The following PPP2R2C variants were observed in gnomAD, a reference collection of about 807,000 sequenced individuals.
PPP2R2C encodes the protein protein phosphatase 2, regulatory subunit B, gamma.
PPP2R2C carries 10 observed loss-of-function variants against 45.3 expected under a neutral mutation model. The observed-to-expected ratio is 0.22, with a 90% CI of 0.14 to 0.37. PPP2R2C has a LOEUF of 0.37. Ranked by LOEUF, PPP2R2C falls within the 10% of genes least tolerant of loss-of-function variation. PPP2R2C has a pLI of 1.00. For missense variants in PPP2R2C, 308 were observed against 619.7 expected, an observed-to-expected ratio of 0.50 and a Z score of 5.34; for synonymous variants, 257 against 245.4, an observed-to-expected ratio of 1.05 and a Z score of -0.44.
Position 6,378,023 on chromosome 4 carries a change from C to T in PPP2R2C, c.334+384G>A, listed in dbSNP as rs1357618279. On this transcript the variant is annotated intron_variant, in intron 3 of 8. Transcript: ENST00000382599. This position sits in a 1 kb window ranked among gnomAD's most constrained non-coding sequence, Gnocchi z 5.2. ...GGTTCACTTTGTGTCAAATATCCCC[C>T]GTGTCTGCGACCTGCATCCTTGTCC... 3.3e-5 allele frequency among the ~76,000 whole-genome samples: 5 copies of T among 152,176 alleles called. No homozygotes were observed. Among genetic ancestry groups the T allele is most frequent in the African/African-American group, 4.8e-5 (2 of 41,432 alleles).
chr4:6,449,523 C>T (rs1296642535), intron 1 of PPP2R2C, among the ~76,000 whole-genome samples: 1 of 152,228 alleles, frequency 6.6e-6, no homozygotes, highest in Admixed American at 6.5e-5. Context: ...GACATGCGGA[C>T]CCCCGCCGCC....
chr4:6,554,570 T>G (rs1321246298), intron 1 of PPP2R2C, among the ~76,000 whole-genome samples: 1 of 152,152 alleles, frequency 6.6e-6, no homozygotes, highest in African/African-American at 2.4e-5. Context: ...AGAAATTGAT[T>G]GCTCACTGGC....
intron 5 of PPP2R2C, among the ~76,000 whole-genome samples, chr4:6,357,322 C>G (rs907735446): frequency 6.6e-6 from 1 of 152,210 alleles, no homozygotes; most frequent in Non-Finnish European, 1.5e-5. Context: ...CCCCCCATGT[C>G]TTGAAATGGA....
intron 2 of PPP2R2C, among the ~76,000 whole-genome samples, chr4:6,521,836 A>T (rs942598589): frequency 6.6e-6 from 1 of 152,186 alleles, no homozygotes; most frequent in Non-Finnish European, 1.5e-5. Context: ...CTCATATTAC[A>T]AATGAGGAAA....
intron 1 of PPP2R2C, among the ~76,000 whole-genome samples, chr4:6,469,916 C>T (rs952953957): frequency 2.6e-5 from 4 of 152,242 alleles, no homozygotes; most frequent in Non-Finnish European, 5.9e-5. Flanking sequence ...GCCCTGCACA[C>T]ACTGGCACTC....
intron 1 of PPP2R2C, among the ~76,000 whole-genome samples, chr4:6,536,183 T>C (rs1378354519): frequency 6.6e-6 from 1 of 152,172 alleles, no homozygotes; most frequent in Admixed American, 6.5e-5. Context: ...ATAGGAACTA[T>C]AAACCCGGGA....
intron 2 of PPP2R2C, among the ~76,000 whole-genome samples, chr4:6,504,197 G>C (rs1723149225): frequency 6.6e-6 from 1 of 152,210 alleles, no homozygotes; most frequent in African/African-American, 2.4e-5. Flanking sequence ...CATGTATGAA[G>C]TCAACCCAGA....
chr4:6,493,893 A>T (rs968873980), intron 2 of PPP2R2C, among the ~76,000 whole-genome samples: 22 of 152,200 alleles, frequency 1.4e-4, no homozygotes, highest in African/African-American at 5.1e-4. Context: ...AGCAACAGCC[A>T]TAAATCAACA....
chr4:6,554,866 A>G (rs191560131), intron 1 of PPP2R2C, among the ~76,000 whole-genome samples: 2 of 149,946 alleles, frequency 1.3e-5, no homozygotes, highest in African/African-American at 4.9e-5. Flanking sequence ...TCTCAAAAAA[A>G]AAAAAAAGAA....
At chr4:6,508,175 C>G (rs1215670305) in intron 2 of PPP2R2C, among the ~76,000 whole-genome samples, 1 of 152,148 alleles carries the variant, frequency 6.6e-6, no homozygotes, top group African/African-American at 2.4e-5. Flanking sequence ...AGAGCCTGCC[C>G]CAAATGAGGA....
intron 2 of PPP2R2C, among the ~76,000 whole-genome samples, chr4:6,481,770 G>A (rs1357834189): frequency 1.3e-5 from 2 of 152,024 alleles, no homozygotes; most frequent in African/African-American, 2.4e-5. Flanking sequence ...CCTGAGGTCA[G>A]GAGTTCGAGA....
chr4:6,339,924 G>A (rs1182023883), intron 6 of PPP2R2C, among the ~76,000 whole-genome samples: 1 of 152,222 alleles, frequency 6.6e-6, no homozygotes, highest in Admixed American at 6.5e-5. Context: ...GAAGAAGGAC[G>A]ATGGGGGTTA....
chr4:6,427,786 A>G (rs922509803), intron 1 of PPP2R2C, among the ~76,000 whole-genome samples: 2 of 152,200 alleles, frequency 1.3e-5, no homozygotes, highest in Admixed American at 6.5e-5. Context: ...CCAGTCTGAG[A>G]GGCTGAAATC....
chr4:6,373,932 C>T (rs902503833), intron 4 of PPP2R2C, among the ~76,000 whole-genome samples: 60 of 143,136 alleles, frequency 4.2e-4, no homozygotes, highest in Non-Finnish European at 6.9e-4. Flanking sequence ...TGTGTGTGCA[C>T]GCAGCACCGG....
At chr4:6,412,799 G>A (rs1440945563) in intron 1 of PPP2R2C, among the ~76,000 whole-genome samples, 1 of 152,106 alleles carries the variant, frequency 6.6e-6, no homozygotes, top group Non-Finnish European at 1.5e-5. Flanking sequence ...GGTCATGAGG[G>A]TGGAGCCCCC....
chr4:6,352,797 C>T (rs1712692426), intron 5 of PPP2R2C, among the ~76,000 whole-genome samples: 1 of 152,040 alleles, frequency 6.6e-6, no homozygotes, highest in Non-Finnish European at 1.5e-5. Context: ...TCCATAACAT[C>T]CTGATCCCCA....
At chr4:6,419,451 A>G (rs1577167861) in intron 1 of PPP2R2C, among the ~76,000 whole-genome samples, 1 of 151,764 alleles carries the variant, frequency 6.6e-6, no homozygotes. Context: ...AAGAAAAGAA[A>G]AGAAGAGAAA....
chr4:6,482,581 A>T (rs891946849), intron 2 of PPP2R2C, among the ~76,000 whole-genome samples: 2 of 152,196 alleles, frequency 1.3e-5, no homozygotes, highest in South Asian at 4.1e-4. Flanking sequence ...TGATTTCACT[A>T]TGTTGTCCTG....
rs947897851 is a variant in PPP2R2C at position 6,331,861 on chromosome 4, G to T, written c.960+1701C>A. Among the ~76,000 whole-genome samples the T allele has an allele frequency of 6.6e-6, 1 of 152,168 alleles. No homozygotes were observed. The highest frequency in any genetic ancestry group is 2.4e-5 in the African/African-American group (1 of 41,440). On this transcript the variant is annotated intron_variant, in intron 7 of 8. Transcript: ENST00000382599. The surrounding 1 kb of genome is among the most constrained non-coding windows in gnomAD (Gnocchi z 5.9). ...GAGAAAAATAGCCCCGATTTGTTAA[G>T]CACCGCACACCAGCCGAACGCAGTC... is the stretch of plus-strand genomic sequence containing the variant.
Sources: allele counts gnomAD v4.1 joint callset (sites outside exome capture counted in the v4.1 genomes callset), GRCh38; gene constraint gnomAD v4.1.1; non-coding constraint Gnocchi (gnomAD v3.1); transcripts MANE v1.5; gene names NCBI Gene and HGNC (gene_info 2026-07-23, HGNC 2026-07-21).